Variants in DCC observed in about 807,000 individuals in gnomAD.
DCC encodes the protein DCC netrin 1 receptor.
DCC carries 58 observed loss-of-function variants against 172.5 expected under a neutral mutation model. That is an observed-to-expected ratio of 0.34 (90% CI 0.27 to 0.42). DCC has a LOEUF of 0.42. Among genes scored for constraint, DCC ranks in the 10% least tolerant of loss-of-function variants. The probability of loss-of-function intolerance (pLI) is 1.00; values close to 1 mark genes in which losing one functional copy is unlikely to be tolerated. For missense variants in DCC, 1,740 were observed against 1,791.0 expected, an observed-to-expected ratio of 0.97 and a Z score of 0.51; for synonymous variants, 709 against 644.5, an observed-to-expected ratio of 1.10 and a Z score of -1.52.
At position 53,234,440 on chromosome 18, in the gene DCC, T is replaced by A. The variant is rs569185874; in HGVS notation, c.1911+18843T>A. 2.5e-3 allele frequency among the ~76,000 whole-genome samples: 350 copies of A among 139,274 alleles called. 2 individuals carry two copies. The highest frequency in any genetic ancestry group is 0.017 in the Middle Eastern group (5 of 294). 91.4% of individuals were successfully genotyped at this position (139,274 alleles called of 152,430 possible). The stretch of plus-strand genomic sequence containing the variant: ...AAGACCCTGTCTCAAATTAAAAAAA[T>A]AAATAAATAAATAAATAAAATATTG... On this transcript the variant is annotated intron_variant, in intron 12 of 28. Transcript: ENST00000442544.
At chr18:53,184,740 T>C (rs776771164) in intron 9 of DCC, among the ~76,000 whole-genome samples, 7 of 152,206 alleles carry the variant, frequency 4.6e-5, no homozygotes, top group Non-Finnish European at 1.0e-4. Flanking sequence ...TTGGTATATC[T>C]GGGCTGTTGC....
chr18:52,835,209 G>A (rs1217946299), intron 2 of DCC, among the ~76,000 whole-genome samples: 4 of 152,098 alleles, frequency 2.6e-5, no homozygotes, highest in African/African-American at 9.7e-5. Flanking sequence ...TAAACTGGTT[G>A]TTGCCATAAA....
At chr18:52,826,210 A>G (rs2038505720) in intron 2 of DCC, among the ~76,000 whole-genome samples, 1 of 152,188 alleles carries the variant, frequency 6.6e-6, no homozygotes, top group Non-Finnish European at 1.5e-5. Context: ...TATTCCCTCC[A>G]TTCATTCTGA....
intron 12 of DCC, among the ~76,000 whole-genome samples, chr18:53,220,020 T>C (rs991493002): frequency 7.9e-5 from 12 of 152,160 alleles, no homozygotes; most frequent in Non-Finnish European, 1.2e-4. Flanking sequence ...ACCCTGTCAT[T>C]GGGCTGGTGT....
At chr18:52,890,295 C>T (rs180730840) in intron 2 of DCC, among the ~76,000 whole-genome samples, 312 of 152,052 alleles carry the variant, frequency 2.1e-3, no homozygotes, top group African/African-American at 7.1e-3. Flanking sequence ...ACTAATTGAA[C>T]ACAGGGTTGG....
In DCC at chr18:53,157,371, G is replaced by A. The variant is rs1387667682; in HGVS notation, c.1277G>A (p.Ser426Asn). The change falls in exon 8 of 29, where the codon AGT becomes AAT. Residue 426 changes from serine to asparagine, a missense_variant. Transcript: ENST00000442544. ...IVPKPAIPSS[S>N]VLPSAPRDVV... ...TTCTCCTTAGCTATCCCAAGCTCCA[G>A]TGTCCTCCCTTCGGCTCCCAGAGAT... is the stretch of plus-strand genomic sequence containing the variant. 4 of 1,613,922 alleles carry A rather than the reference G, an allele frequency of 2.5e-6. No individual in the cohort carries two copies. Among genetic ancestry groups the A allele is most frequent in the South Asian group, 1.1e-5 (1 of 91,086 alleles).
At chr18:52,856,059 C>T (rs1002027398) in intron 2 of DCC, among the ~76,000 whole-genome samples, 2 of 151,758 alleles carry the variant, frequency 1.3e-5, no homozygotes, top group Non-Finnish European at 2.9e-5. Flanking sequence ...GCCACCGCGC[C>T]CCGCCATTAG....
chr18:53,337,805 G>A (rs557250125), intron 14 of DCC, among the ~76,000 whole-genome samples: 1 of 152,288 alleles, frequency 6.6e-6, no homozygotes, highest in East Asian at 1.9e-4. Flanking sequence ...TGCTGCATAT[G>A]GATAAAAGTG....
At chr18:53,371,280 G>T (rs1301074782) in intron 15 of DCC, among the ~76,000 whole-genome samples, 1 of 151,902 alleles carries the variant, frequency 6.6e-6, no homozygotes, top group Non-Finnish European at 1.5e-5. Flanking sequence ...AAAATAGTTG[G>T]GAGTAAACAG....
At chr18:52,659,590 A>C (rs1367085872) in intron 1 of DCC, among the ~76,000 whole-genome samples, 1 of 152,234 alleles carries the variant, frequency 6.6e-6, no homozygotes, top group African/African-American at 2.4e-5. Flanking sequence ...AGGCCAAAAC[A>C]AGAGCAACTG....
At chr18:52,815,792 A>G (rs1297805351) in intron 2 of DCC, among the ~76,000 whole-genome samples, 1 of 152,250 alleles carries the variant, frequency 6.6e-6, no homozygotes, top group African/African-American at 2.4e-5. Flanking sequence ...CTCCAATGAT[A>G]TAGGACATGT....
chr18:53,132,575 T>C (rs1271913805), intron 7 of DCC, among the ~76,000 whole-genome samples: 1 of 152,182 alleles, frequency 6.6e-6, no homozygotes, highest in African/African-American at 2.4e-5. Context: ...ATATGTATCT[T>C]ATTCATTTAG....
intron 1 of DCC, among the ~76,000 whole-genome samples, chr18:52,527,163 G>GA (rs934540222): frequency 9.2e-5 from 14 of 152,068 alleles, no homozygotes; most frequent in African/African-American, 3.1e-4. Context: ...GGTGATAAAA[G>GA]AAAAAATTAC....
At chr18:53,044,275 A>T (rs2042207492) in intron 5 of DCC, among the ~76,000 whole-genome samples, 1 of 151,848 alleles carries the variant, frequency 6.6e-6, no homozygotes, top group Non-Finnish European at 1.5e-5. Context: ...GTTTGGAAAA[A>T]AGAGAAAAAT....
intron 1 of DCC, among the ~76,000 whole-genome samples, chr18:52,435,653 C>T (rs1246164313): frequency 6.6e-6 from 1 of 152,160 alleles, no homozygotes; most frequent in Non-Finnish European, 1.5e-5. Flanking sequence ...CCTCCTGGGC[C>T]ACCTGTTAGG....
chr18:53,254,583 A>C (rs2056480775), intron 12 of DCC, among the ~76,000 whole-genome samples: 1 of 151,952 alleles, frequency 6.6e-6, no homozygotes, highest in South Asian at 2.1e-4. Context: ...CTGGTTCTTA[A>C]TCAGGGGTGT....
intron 1 of DCC, among the ~76,000 whole-genome samples, chr18:52,466,321 C>G (rs1988784345): frequency 6.6e-6 from 1 of 152,022 alleles, no homozygotes; most frequent in South Asian, 2.1e-4. Flanking sequence ...CTAATAACAG[C>G]AGTATTTTTA....
At chr18:52,951,621 T>C (rs1193919300) in intron 5 of DCC, among the ~76,000 whole-genome samples, 1 of 152,234 alleles carries the variant, frequency 6.6e-6, no homozygotes, top group Admixed American at 6.5e-5. Context: ...ACTCATTCTT[T>C]TTTATGGCTG....
At chr18:52,616,759 T>A (rs1288743067) in intron 1 of DCC, among the ~76,000 whole-genome samples, 3 of 152,138 alleles carry the variant, frequency 2.0e-5, no homozygotes, top group Non-Finnish European at 4.4e-5. Flanking sequence ...AAAAAGGTGT[T>A]ATTTGCCCTA....
Sources: allele counts gnomAD v4.1 joint callset (sites outside exome capture counted in the v4.1 genomes callset), GRCh38; gene constraint gnomAD v4.1.1; transcripts MANE v1.5; gene names NCBI Gene and HGNC (gene_info 2026-07-23, HGNC 2026-07-21).